IQCJ: variants seen among roughly 807,000 people sequenced by gnomAD.
The protein encoded by IQCJ is IQ domain-containing protein J.
IQCJ carries 9 observed loss-of-function variants against 11.0 expected under a neutral mutation model. The observed-to-expected ratio is 0.82, with a 90% confidence interval of 0.49 to 1.43. The LOEUF is 1.43. Among genes scored for constraint, IQCJ ranks in the 40% most tolerant of loss-of-function variants. IQCJ has a pLI of 0.00. For synonymous variants in IQCJ, 55 were observed against 51.3 expected (o/e 1.07, Z -0.31); for missense variants, 146 against 133.2 (o/e 1.10, Z -0.47).
intron 1 of IQCJ, among the ~76,000 whole-genome samples, chr3:159,159,669 C>T (rs1429507560): frequency 6.6e-6 from 1 of 152,046 alleles, no homozygotes; most frequent in Non-Finnish European, 1.5e-5. Flanking sequence ...ATGTTTTGTT[C>T]CCTCCAAATT....
Position 159,180,398 on chromosome 3 carries a change from C to A in IQCJ, c.10-65445C>A, listed in dbSNP as rs191316768. On this transcript the variant is annotated intron_variant, in intron 1 of 3. Transcript: ENST00000397832. ...TTAATATGATTTTTAAAATTATCTG[C>A]CTCAGGATGTCCTTTTTCTTAGAAA... Among the ~76,000 whole-genome samples the A allele has an allele frequency of 1.3e-3, 196 of 152,090 alleles. 2 individuals carry two copies. The highest frequency in any genetic ancestry group is 4.5e-3 in the African/African-American group (188 of 41,450).
chr3:159,088,180 A>G (rs570316627), intron 1 of IQCJ, among the ~76,000 whole-genome samples: 2,326 of 152,208 alleles, frequency 0.015, 66 homozygotes, highest in African/African-American at 0.053. Flanking sequence ...TTATGTACCC[A>G]GTAATCATTC....
At chr3:159,242,901 A>G (rs578037623) in intron 1 of IQCJ, among the ~76,000 whole-genome samples, 28 of 152,310 alleles carry the variant, frequency 1.8e-4, no homozygotes, top group African/African-American at 6.7e-4. Flanking sequence ...TTAGCAACAC[A>G]TACATCTGAC....
chr3:159,074,063 T>C (rs1333526181), intron 1 of IQCJ, among the ~76,000 whole-genome samples: 1 of 152,080 alleles, frequency 6.6e-6, no homozygotes, highest in Non-Finnish European at 1.5e-5. Flanking sequence ...TAATGGAAGA[T>C]ATACCTGCAA....
intron 1 of IQCJ, among the ~76,000 whole-genome samples, chr3:159,138,750 C>T (rs138080442): frequency 1.7e-3 from 252 of 152,270 alleles, no homozygotes; most frequent in African/African-American, 5.8e-3. Flanking sequence ...GGTATCTGAG[C>T]TCACCTGGTA....
At chr3:159,161,521 G>C (rs1721853375) in intron 1 of IQCJ, among the ~76,000 whole-genome samples, 1 of 152,164 alleles carries the variant, frequency 6.6e-6, no homozygotes, top group South Asian at 2.1e-4. Flanking sequence ...CTGTGCAGAA[G>C]CTCTTTAGTT....
intron 1 of IQCJ, among the ~76,000 whole-genome samples, chr3:159,135,435 A>C (rs904790152): frequency 5.9e-5 from 9 of 152,080 alleles, no homozygotes; most frequent in Non-Finnish European, 1.0e-4. Flanking sequence ...CTGTAACAAA[A>C]CCCCAGAGGC....
At chr3:159,256,364 A>G (rs1362787851) in intron 3 of IQCJ, among the ~76,000 whole-genome samples, 1 of 152,196 alleles carries the variant, frequency 6.6e-6, no homozygotes, top group African/African-American at 2.4e-5. Flanking sequence ...GCAGAGAGAG[A>G]GAGAGAAAGA....
chr3:159,131,050 A>T (rs1043629008), intron 1 of IQCJ, among the ~76,000 whole-genome samples: 4 of 152,164 alleles, frequency 2.6e-5, no homozygotes, highest in African/African-American at 9.7e-5. Context: ...CAAAGTATGT[A>T]AAAGAATTGG....
At chr3:159,169,121 G>T (rs973653853) in intron 1 of IQCJ, among the ~76,000 whole-genome samples, 1 of 151,868 alleles carries the variant, frequency 6.6e-6, no homozygotes, top group Non-Finnish European at 1.5e-5. Context: ...GATACTATTG[G>T]TATTCCTTTC....
chr3:159,070,000 A>G (rs1223316707), intron 1 of IQCJ: 1 of 231,980 alleles, frequency 4.3e-6, no homozygotes, highest in Non-Finnish European at 8.9e-6. Flanking sequence ...CTCAGTAAGC[A>G]CTGAGGGGAA....
chr3:159,168,650 A>G (rs1722307623), intron 1 of IQCJ, among the ~76,000 whole-genome samples: 1 of 152,214 alleles, frequency 6.6e-6, no homozygotes. Flanking sequence ...TTAGTAGTTA[A>G]GGACTCTGCA....
Position 159,245,862 on chromosome 3 carries a change from A to G in IQCJ, c.29A>G (p.Gln10Arg). The G allele has an allele frequency of 2.6e-6, 4 of 1,547,144 alleles. No individual in the cohort carries two copies. The highest frequency in any genetic ancestry group is 2.6e-6 in the Non-Finnish European group (3 of 1,141,430). The change falls in exon 2 of 4, where the codon CAG (glutamine) becomes CGG (arginine). Residue 10 changes from glutamine (Q) to arginine (R), a missense_variant. Gln to Arg is a conservative substitution (Grantham distance 43). Transcript: ENST00000397832. MRLEELKRL[Q>R]NPLEQVNDGK... is the part of the protein sequence containing the mutation. ...TCACAGGAAGAACTGAAAAGATTGC[A>G]GAATCCTCTAGAACAAGTTAATGAT... is the stretch of plus-strand genomic sequence containing the variant.
At chr3:159,114,029 C>T (rs1348720681) in intron 1 of IQCJ, among the ~76,000 whole-genome samples, 1 of 152,156 alleles carries the variant, frequency 6.6e-6, no homozygotes, top group African/African-American at 2.4e-5. Context: ...TTATTTTCTT[C>T]TCTTTCTCCC....
chr3:159,177,789 G>C (rs1181395011), intron 1 of IQCJ, among the ~76,000 whole-genome samples: 2 of 152,192 alleles, frequency 1.3e-5, no homozygotes, highest in Admixed American at 1.3e-4. Flanking sequence ...TGGGTAATTA[G>C]TGAATGCTAG....
At chr3:159,235,177 GA>G (rs1726504273) in intron 1 of IQCJ, among the ~76,000 whole-genome samples, 1 of 152,178 alleles carries the variant, frequency 6.6e-6, no homozygotes, top group African/African-American at 2.4e-5. Flanking sequence ...AGAAATACAT[GA>G]AATGTAAAAA....
Position 159,167,676 on chromosome 3 carries a change from A to T in IQCJ, c.10-78167A>T, listed in dbSNP as rs142790111. Among the ~76,000 whole-genome samples, 319 of 152,332 alleles carry T rather than the reference A, an allele frequency of 2.1e-3. 3 individuals carry two copies. Among genetic ancestry groups the T allele is most frequent in the Middle Eastern group, 6.8e-3 (2 of 294 alleles). On this transcript the variant is annotated intron_variant, in intron 1 of 3. Transcript: ENST00000397832. Reference sequence around the variant, plus strand: ...TAATTAATTAGTAAGTCAATATTGGATGAGTTTCTACCAGGTTACCAGCCC... The same window carrying T: ...TAATTAATTAGTAAGTCAATATTGGTTGAGTTTCTACCAGGTTACCAGCCC...
intron 1 of IQCJ, among the ~76,000 whole-genome samples, chr3:159,188,551 T>C (rs1723505039): frequency 1.3e-5 from 2 of 152,354 alleles, no homozygotes; most frequent in South Asian, 4.1e-4. Flanking sequence ...ATTTCCCCTA[T>C]TATTAACATT....
rs557337898 is a variant in IQCJ at position 159,105,315 on chromosome 3, A to G, written c.9+35874A>G. 3.9e-5 allele frequency among the ~76,000 whole-genome samples: 6 copies of G among 152,198 alleles called. No homozygotes were observed. The South Asian group carries it at 8.3e-4, about 21-fold the overall frequency. Reference sequence around the variant, plus strand: ...TTTTCTCATGGATGAATTTGTTACAATTACCACCCTCCTACCTGTGGATAT... The same window carrying G: ...TTTTCTCATGGATGAATTTGTTACAGTTACCACCCTCCTACCTGTGGATAT... On this transcript the variant is annotated intron_variant, in intron 1 of 3. Transcript: ENST00000397832.
Sources: allele counts gnomAD v4.1 joint callset (sites outside exome capture counted in the v4.1 genomes callset), GRCh38; gene constraint gnomAD v4.1.1; transcripts MANE v1.5; gene names NCBI Gene and HGNC (gene_info 2026-07-23, HGNC 2026-07-21).